BMAL2: variants seen among roughly 807,000 people sequenced by gnomAD.
BMAL2 encodes basic helix-loop-helix ARNT-like protein 2.
chr12:27,402,681 A>G, the BMAL2 span: 2 of 1,609,008 alleles, frequency 1.2e-6, no homozygotes, highest in Admixed American at 1.7e-5. Context: ...TCAGAAGGTA[A>G]GCTTACTTTT....
At chr12:27,357,574 A>G in the BMAL2 span, among the ~76,000 whole-genome samples, 1 of 152,244 alleles carries the variant, frequency 6.6e-6, no homozygotes, top group South Asian at 2.1e-4. Context: ...AGACTAAGCC[A>G]AAAGAACAAA....
At chr12:27,379,545 G>A in the BMAL2 span, among the ~76,000 whole-genome samples, 2 of 152,160 alleles carry the variant, frequency 1.3e-5, no homozygotes, top group Admixed American at 1.3e-4. Context: ...GGACCAGGAG[G>A]CAGAGAGGCT....
chr12:27,361,666 T>A, the BMAL2 span, among the ~76,000 whole-genome samples: 3 of 152,210 alleles, frequency 2.0e-5, no homozygotes, highest in Admixed American at 6.5e-5. Context: ...ATGAAATTTT[T>A]ACTCCTTAAA....
chr12:27,376,336 T>G, the BMAL2 span: 1 of 1,612,494 alleles, frequency 6.2e-7, no homozygotes, highest in Non-Finnish European at 8.5e-7. Context: ...TTTATCCTGC[T>G]TTTTTGTAGA....
chr12:27,418,626 A>G, the BMAL2 span, among the ~76,000 whole-genome samples: 2 of 151,912 alleles, frequency 1.3e-5, no homozygotes, highest in Non-Finnish European at 2.9e-5. Flanking sequence ...TAAATAAATA[A>G]ATAAATATTT....
At chr12:27,399,117 G>T in the BMAL2 span, among the ~76,000 whole-genome samples, 1 of 143,676 alleles carries the variant, frequency 7.0e-6, no homozygotes, top group Admixed American at 6.8e-5. Context: ...GGCCTGGGAA[G>T]GGAGTGGTGT....
the BMAL2 span, among the ~76,000 whole-genome samples, chr12:27,397,158 C>T: frequency 6.6e-6 from 1 of 152,118 alleles, no homozygotes; most frequent in African/African-American, 2.4e-5. Flanking sequence ...GCAACCTCTG[C>T]CTCCTGGGTT....
chr12:27,389,989 G>A, the BMAL2 span: 2 of 1,380,744 alleles, frequency 1.4e-6, no homozygotes, highest in Non-Finnish European at 2.0e-6. Context: ...TTAAAAAACT[G>A]TTTCCTTTCT....
chr12:27,361,206 G>A, the BMAL2 span, among the ~76,000 whole-genome samples: 1 of 152,232 alleles, frequency 6.6e-6, no homozygotes, highest in Admixed American at 6.5e-5. Flanking sequence ...AAACCAAGTG[G>A]CTACTTGGCT....
chr12:27,374,705 G>C, the BMAL2 span, among the ~76,000 whole-genome samples: 2 of 152,148 alleles, frequency 1.3e-5, no homozygotes, highest in Admixed American at 1.3e-4. Context: ...ACAGGCTGAC[G>C]GTGGTGAGAG....
At chr12:27,404,997 A>G in the BMAL2 span, among the ~76,000 whole-genome samples, 2 of 152,088 alleles carry the variant, frequency 1.3e-5, no homozygotes, top group South Asian at 2.1e-4. Flanking sequence ...AGCCTCGCTC[A>G]TTGCTAGCAC....
the BMAL2 span, chr12:27,332,862 C>A: frequency 5.2e-6 from 1 of 192,584 alleles, no homozygotes. Flanking sequence ...GGCTCCAGTC[C>A]GCATGCTCAG....
At chr12:27,346,718 A>G in the BMAL2 span, among the ~76,000 whole-genome samples, 5 of 152,176 alleles carry the variant, frequency 3.3e-5, no homozygotes, top group Admixed American at 3.3e-4. Flanking sequence ...TTGAAGATAT[A>G]CTTTAAGACT....
chr12:27,382,556 T>A, the BMAL2 span, among the ~76,000 whole-genome samples: 3 of 152,210 alleles, frequency 2.0e-5, no homozygotes, highest in Non-Finnish European at 2.9e-5. Flanking sequence ...GCCTCAGCTC[T>A]GCTGAACAGA....
chr12:27,404,184 CA>C, the BMAL2 span, among the ~76,000 whole-genome samples: 22,731 of 78,288 alleles, frequency 0.29, 2,033 homozygotes, highest in East Asian at 0.54. Flanking sequence ...GACCCTGTCT[CA>C]AAAAAAAAAA....
At chr12:27,345,489 T>A in the BMAL2 span, among the ~76,000 whole-genome samples, 1 of 152,168 alleles carries the variant, frequency 6.6e-6, no homozygotes, top group African/African-American at 2.4e-5. Context: ...AATTTCTTTT[T>A]TTATTATTGT....
At chr12:27,389,636 G>T in the BMAL2 span, among the ~76,000 whole-genome samples, 1 of 152,058 alleles carries the variant, frequency 6.6e-6, no homozygotes, top group African/African-American at 2.4e-5. Context: ...TATGCTAAAA[G>T]ACAATTACTC....
the BMAL2 span, chr12:27,418,088 A>G: frequency 6.2e-7 from 1 of 1,605,620 alleles, no homozygotes; most frequent in Non-Finnish European, 8.5e-7. Flanking sequence ...GTCTTTTCAG[A>G]TGTCAAATAA....
the BMAL2 span, among the ~76,000 whole-genome samples, chr12:27,334,168 G>A: frequency 1.1e-3 from 174 of 152,350 alleles, 2 homozygotes; most frequent in Non-Finnish European, 1.6e-4. Flanking sequence ...AATATTCGTA[G>A]TCTTAGGTAA....
Sources: allele counts gnomAD v4.1 joint callset (sites outside exome capture counted in the v4.1 genomes callset), GRCh38; gene constraint gnomAD v4.1.1; transcripts MANE v1.5; gene names NCBI Gene and HGNC (gene_info 2026-07-23, HGNC 2026-07-21).